The following DGKB variants were observed in gnomAD, a reference collection of about 807,000 sequenced individuals.
The protein encoded by DGKB is 90 kDa diacylglycerol kinase.
Under a neutral mutation model 114.3 loss-of-function variants are expected in DGKB, and 67 were observed. The ratio of observed to expected loss-of-function variants is 0.59; its 90% confidence interval spans 0.48 to 0.72. DGKB has a LOEUF of 0.72. Among genes scored for constraint, DGKB ranks in the 30% least tolerant of loss-of-function variants. The probability of loss-of-function intolerance (pLI) is 0.00; values close to 1 mark genes in which losing one functional copy is unlikely to be tolerated. For synonymous variants in DGKB, 398 were observed against 323.1 expected (o/e 1.23, Z -2.49); for missense variants, 907 against 975.2 (o/e 0.93, Z 0.93).
intron 1 of DGKB, among the ~76,000 whole-genome samples, chr7:14,889,862 C>T (rs1231285323): frequency 1.3e-5 from 2 of 151,450 alleles, no homozygotes; most frequent in Non-Finnish European, 3.0e-5. Context: ...CCAGACCTGT[C>T]AAGGAAGTAT....
chr7:14,358,014 T>C (rs191855762), intron 21 of DGKB, among the ~76,000 whole-genome samples: 1 of 152,296 alleles, frequency 6.6e-6, no homozygotes, highest in East Asian at 1.9e-4. Context: ...TCTCTCTGGC[T>C]GCCCTTTACA....
At chr7:14,916,521 T>C (rs1484416411) in intron 1 of DGKB, among the ~76,000 whole-genome samples, 2 of 152,146 alleles carry the variant, frequency 1.3e-5, no homozygotes, top group Non-Finnish European at 2.9e-5. Context: ...ACAAAGTCTA[T>C]TTTAGAGCAA....
intron 21 of DGKB, among the ~76,000 whole-genome samples, chr7:14,391,254 G>C (rs1293789802): frequency 6.6e-6 from 1 of 152,142 alleles, no homozygotes; most frequent in Non-Finnish European, 1.5e-5. Flanking sequence ...TTTTGAAGAA[G>C]TCTATGCTGA....
At position 14,416,156 on chromosome 7, in the gene DGKB, A is replaced by C. The variant is rs908339181; in HGVS notation, c.1835+62005T>G. Among the ~76,000 whole-genome samples the C allele has an allele frequency of 7.2e-5, 11 of 152,162 alleles. No homozygotes were observed. The South Asian group carries it at 2.1e-3, about 29-fold the overall frequency. On this transcript the variant is annotated intron_variant, in intron 21 of 25. Coordinates refer to ENST00000402815, the MANE Select transcript of DGKB (RefSeq NM_001350709.2). ...TTGTAAATTTGTTTGAGTTCATTGTAGATTCTGGATATTAGCCCTTTGTCA... is the reference window on the plus strand; with the variant it reads ...TTGTAAATTTGTTTGAGTTCATTGTCGATTCTGGATATTAGCCCTTTGTCA...
intron 4 of DGKB, among the ~76,000 whole-genome samples, chr7:14,736,427 G>A (rs980757809): frequency 9.9e-5 from 15 of 152,202 alleles, no homozygotes; most frequent in Non-Finnish European, 1.9e-4. Context: ...GAAGTTTCTA[G>A]TTAGATATTT....
chr7:14,468,788 T>C lies in DGKB; in HGVS notation c.1835+9373A>G, dbSNP rs1056974864. 2.6e-5 allele frequency among the ~76,000 whole-genome samples: 4 copies of C among 152,152 alleles called. 1 individual carries two copies. Among genetic ancestry groups the C allele is most frequent in the Admixed American group, 6.6e-5 (1 of 15,246 alleles). On this transcript the variant is annotated intron_variant, in intron 21 of 25. Transcript: ENST00000402815. ...AATTATTCTTGTAATCTTGTGGACATCTCTGAATTAATTACTGTTACTTTA... is the reference window on the plus strand; with the variant it reads ...AATTATTCTTGTAATCTTGTGGACACCTCTGAATTAATTACTGTTACTTTA...
intron 21 of DGKB, among the ~76,000 whole-genome samples, chr7:14,388,520 G>A (rs1014974299): frequency 1.3e-5 from 2 of 150,818 alleles, no homozygotes; most frequent in African/African-American, 4.9e-5. Context: ...AGTCTGAGGA[G>A]ATAATAAGTC....
Position 14,838,953 on chromosome 7 carries a change from G to A in DGKB, c.70+2241C>T, listed in dbSNP as rs117364039. The stretch of plus-strand genomic sequence containing the variant: ...CCTTTTTATCCATATCATTTCCTTT[G>A]TCATTTACCTTAAACCTAATTTTTA... On this transcript the variant is annotated intron_variant, in intron 2 of 25. Transcript: ENST00000402815. 6.2e-4 allele frequency among the ~76,000 whole-genome samples: 94 copies of A among 151,974 alleles called. 1 individual carries two copies. In the East Asian group the frequency reaches 0.01, roughly 17 times the overall value.
chr7:14,873,475 G>C (rs572334199), intron 1 of DGKB, among the ~76,000 whole-genome samples: 16 of 152,060 alleles, frequency 1.1e-4, no homozygotes, highest in African/African-American at 2.6e-4. Flanking sequence ...GCTGCTATAA[G>C]TTTAGAAATT....
At chr7:14,182,588 T>G (rs1782802291) in intron 23 of DGKB, among the ~76,000 whole-genome samples, 1 of 152,164 alleles carries the variant, frequency 6.6e-6, no homozygotes, top group South Asian at 2.1e-4. Context: ...ATTTTAAAGT[T>G]TATAAATCTT....
chr7:14,959,806 C>G (rs1786736370), intron 1 of DGKB, among the ~76,000 whole-genome samples: 1 of 150,990 alleles, frequency 6.6e-6, no homozygotes, highest in African/African-American at 2.4e-5. Flanking sequence ...TTATCCTTCA[C>G]TTTAAATCCA....
intron 17 of DGKB, among the ~76,000 whole-genome samples, chr7:14,603,098 C>T (rs2128768738): frequency 6.6e-6 from 1 of 152,234 alleles, no homozygotes; most frequent in Middle Eastern, 3.4e-3. Context: ...TGACCTTATT[C>T]ATTGTGGTAA....
At chr7:14,902,159 G>A (rs1783191418) in intron 1 of DGKB, among the ~76,000 whole-genome samples, 1 of 152,108 alleles carries the variant, frequency 6.6e-6, no homozygotes, top group South Asian at 2.1e-4. Flanking sequence ...TTGCTTGCTT[G>A]TTTAGTTCAC....
rs115705174 is a variant in DGKB, at chr7:14,173,117, T to C, written c.2304+3722A>G. 4.7e-3 allele frequency among the ~76,000 whole-genome samples: 722 copies of C among 152,292 alleles called. 11 individuals are homozygous for C. The highest frequency in any genetic ancestry group is 0.017 in the African/African-American group (704 of 41,558). On this transcript the variant is annotated intron_variant, in intron 25 of 25. Coordinates refer to ENST00000402815, the MANE Select transcript of DGKB (RefSeq NM_001350709.2). ...AATAATTGTGTTAACTCAGTGACTATTACAAAACAATGAATACAGGAGCAC... is the reference window on the plus strand; with the variant it reads ...AATAATTGTGTTAACTCAGTGACTACTACAAAACAATGAATACAGGAGCAC...
At chr7:14,387,311 G>T (rs1382248231) in intron 21 of DGKB, among the ~76,000 whole-genome samples, 1 of 151,236 alleles carries the variant, frequency 6.6e-6, no homozygotes. Flanking sequence ...TACTCAGGAG[G>T]CTGAGGCAGG....
At chr7:14,970,988 C>T (rs912781716) in intron 1 of DGKB, among the ~76,000 whole-genome samples, 1 of 152,036 alleles carries the variant, frequency 6.6e-6, no homozygotes, top group Non-Finnish European at 1.5e-5. Context: ...AAGTTTCAAA[C>T]GCAAATCTGA....
intron 21 of DGKB, among the ~76,000 whole-genome samples, chr7:14,402,706 T>C (rs1823328987): frequency 1.3e-5 from 2 of 151,936 alleles, no homozygotes; most frequent in Non-Finnish European, 2.9e-5. Context: ...AAGGGTATGA[T>C]ACCCAGTTTG....
intron 23 of DGKB, among the ~76,000 whole-genome samples, chr7:14,300,038 T>C (rs1803250153): frequency 6.6e-6 from 1 of 152,078 alleles, no homozygotes; most frequent in Non-Finnish European, 1.5e-5. Context: ...CTTCCAGACA[T>C]ACACGGAAGA....
chr7:14,419,098 C>T (rs537390030), intron 21 of DGKB, among the ~76,000 whole-genome samples: 14 of 151,782 alleles, frequency 9.2e-5, no homozygotes, highest in African/African-American at 2.7e-4. Flanking sequence ...TCTGGGACAG[C>T]GGAATGTTTG....
Sources: gnomAD v4.1 joint callset for allele counts (sites outside exome capture counted in the v4.1 genomes callset) on GRCh38, gnomAD v4.1.1 for gene constraint, MANE v1.5 for transcripts, NCBI Gene and HGNC (gene_info 2026-07-23, HGNC 2026-07-21) for gene names.